THSD7B: variants seen among roughly 807,000 people sequenced by gnomAD.
The protein encoded by THSD7B is thrombospondin type 1 domain containing 7B.
THSD7B carries 138 observed loss-of-function variants against 213.6 expected under a neutral mutation model. The ratio of observed to expected loss-of-function variants is 0.65; its 90% confidence interval spans 0.56 to 0.74. THSD7B has a LOEUF of 0.74. THSD7B is among the 30% of genes least tolerant of loss of function. THSD7B has a pLI of 0.00. For missense variants in THSD7B, 1,931 were observed against 1,991.5 expected, an observed-to-expected ratio of 0.97 and a Z score of 0.58; for synonymous variants, 742 against 687.0, an observed-to-expected ratio of 1.08 and a Z score of -1.25.
intron 15 of THSD7B, among the ~76,000 whole-genome samples, chr2:137,551,687 C>G (rs893253789): frequency 2.0e-5 from 3 of 152,094 alleles, no homozygotes; most frequent in African/African-American, 7.2e-5. Flanking sequence ...TTTTTTGGTT[C>G]TTAATATCAA....
intron 2 of THSD7B, among the ~76,000 whole-genome samples, chr2:136,921,460 G>A (rs1433023701): frequency 5.3e-4 from 4 of 7,522 alleles, no homozygotes; most frequent in East Asian, 7.1e-3. Context: ...TATCATATGC[G>A]GGTTTTTTTT....
At chr2:137,476,887 G>A (rs1688205675) in intron 15 of THSD7B, among the ~76,000 whole-genome samples, 1 of 152,126 alleles carries the variant, frequency 6.6e-6, no homozygotes, top group Non-Finnish European at 1.5e-5. Flanking sequence ...TACCAGATAT[G>A]ATCTTGATTT....
At chr2:136,789,987 C>A (rs1681933034) in intron 1 of THSD7B, among the ~76,000 whole-genome samples, 1 of 151,824 alleles carries the variant, frequency 6.6e-6, no homozygotes, top group East Asian at 1.9e-4. Flanking sequence ...TTCTTAAACC[C>A]ATTAGGGATC....
rs1687167274 is a variant in THSD7B at position 137,056,606 on chromosome 2, C to T, written c.326C>T (p.Ser109Phe). 1 of 1,613,828 alleles carries T rather than the reference C, an allele frequency of 6.2e-7. No homozygotes were observed. The highest frequency in any genetic ancestry group is 1.3e-5 in the African/African-American group (1 of 74,922). The change falls in exon 3 of 28, where the codon TCT becomes TTT. Residue 109 changes from serine (S) to phenylalanine (F), a missense_variant. Coordinates refer to ENST00000409968, the MANE Select transcript of THSD7B (RefSeq NM_001316349.2). ...AGTGACCTCTTTCAGTGGGAGGTTT[C>T]TGACTGGCACCACTGTGTGCTTGTT... ...WHSDLFQWEVSDWHHCVLVPY... is the reference protein window; with the variant it reads ...WHSDLFQWEVFDWHHCVLVPY...
chr2:137,530,422 G>T (rs1476716816), intron 15 of THSD7B, among the ~76,000 whole-genome samples: 1 of 151,880 alleles, frequency 6.6e-6, no homozygotes, highest in Non-Finnish European at 1.5e-5. Context: ...CCCTGCAAAT[G>T]GTGTCACTGG....
intron 2 of THSD7B, among the ~76,000 whole-genome samples, chr2:137,012,134 G>GA (rs1294817497): frequency 6.6e-6 from 1 of 152,118 alleles, no homozygotes; most frequent in Non-Finnish European, 1.5e-5. Context: ...AATCATTTTG[G>GA]AAAATTATAT....
chr2:137,626,333 G>A (rs1415331178), intron 20 of THSD7B, among the ~76,000 whole-genome samples: 2 of 151,990 alleles, frequency 1.3e-5, no homozygotes, highest in Non-Finnish European at 2.9e-5. Flanking sequence ...GTGCCGTGGC[G>A]GGCGCCTGTA....
chr2:137,342,398 T>C (rs1022818133), intron 12 of THSD7B, among the ~76,000 whole-genome samples: 4 of 151,230 alleles, frequency 2.6e-5, no homozygotes, highest in African/African-American at 9.7e-5. Context: ...AACAGGGGTT[T>C]TTTTTTTGGT....
At chr2:137,089,245 G>GGTGTGT (rs70975799) in intron 3 of THSD7B, among the ~76,000 whole-genome samples, 14 of 126,788 alleles carry the variant, frequency 1.1e-4, no homozygotes, top group African/African-American at 4.0e-4. Flanking sequence ...TAAAGAAAGT[G>GGTGTGT]GTGTGTGTGT....
chr2:137,583,620 CTCAGGTTTG>C (rs1030646611), intron 17 of THSD7B, among the ~76,000 whole-genome samples: 2 of 152,064 alleles, frequency 1.3e-5, no homozygotes, highest in African/African-American at 4.8e-5. Flanking sequence ...ATTTGTTTTT[CTCAGGTTTG>C]TCAAAGATCA....
rs72987574 is a variant in THSD7B at position 137,128,612 on chromosome 2, G to A, written c.1369+13319G>A. ...TAAAACGTGCAAATTGAGACCTGCA[G>A]TAGTTGAAACTTGCCTGAGTTCTCA... On this transcript the variant is annotated intron_variant, in intron 5 of 27. Transcript: ENST00000409968. Among the ~76,000 whole-genome samples, 861 of 152,338 alleles carry A rather than the reference G, an allele frequency of 5.7e-3. 14 individuals are homozygous for A. The highest frequency in any genetic ancestry group is 0.019 in the African/African-American group (803 of 41,572).
intron 7 of THSD7B, among the ~76,000 whole-genome samples, chr2:137,193,877 A>C (rs897870022): frequency 3.3e-5 from 5 of 151,058 alleles, no homozygotes; most frequent in African/African-American, 1.2e-4. Context: ...CATCCTAGAT[A>C]ATTCTCCTGA....
chr2:136,956,711 G>C (rs1161593863), intron 2 of THSD7B, among the ~76,000 whole-genome samples: 3 of 144,580 alleles, frequency 2.1e-5, no homozygotes, highest in East Asian at 2.0e-4. Flanking sequence ...ACAGAGTCTT[G>C]CTCTGTCCCC....
intron 12 of THSD7B, among the ~76,000 whole-genome samples, chr2:137,393,505 G>A (rs1173013984): frequency 6.7e-6 from 1 of 148,590 alleles, no homozygotes; most frequent in Non-Finnish European, 1.5e-5. Flanking sequence ...ATTTTTTATG[G>A]CTGCATAGTA....
intron 4 of THSD7B, 34 bp from the exon 5 acceptor site, chr2:137,115,090 C>A (rs377252845): frequency 1.2e-6 from 2 of 1,612,674 alleles, no homozygotes; most frequent in African/African-American, 2.7e-5. Context: ...TTTCTTACTT[C>A]TTCTTCTTCT....
intron 2 of THSD7B, among the ~76,000 whole-genome samples, chr2:136,985,661 GT>G (rs1420418584): frequency 1.3e-5 from 2 of 152,244 alleles, no homozygotes; most frequent in African/African-American, 4.8e-5. Flanking sequence ...GAAGGAAAGT[GT>G]GAGGCTGGAG....
intron 14 of THSD7B, among the ~76,000 whole-genome samples, chr2:137,435,373 A>G (rs190642064): frequency 2.0e-5 from 3 of 152,336 alleles, no homozygotes; most frequent in East Asian, 3.9e-4. Flanking sequence ...CAGTCTTGAT[A>G]GAGTTTCATA....
chr2:136,830,124 G>GCACACACA (rs142136751), intron 1 of THSD7B, among the ~76,000 whole-genome samples: 2 of 148,454 alleles, frequency 1.3e-5, no homozygotes, highest in African/African-American at 4.9e-5. Flanking sequence ...GCCTGTGCGC[G>GCACACACA]CACACACACA....
intron 3 of THSD7B, among the ~76,000 whole-genome samples, chr2:137,061,626 T>C (rs1687274262): frequency 6.6e-6 from 1 of 151,828 alleles, no homozygotes. Flanking sequence ...GATTATATGA[T>C]TTTTGTTCAT....
Sources: allele counts gnomAD v4.1 joint callset (sites outside exome capture counted in the v4.1 genomes callset), GRCh38; gene constraint gnomAD v4.1.1; transcripts MANE v1.5; gene names NCBI Gene and HGNC (gene_info 2026-07-23, HGNC 2026-07-21).